MYBL2: variants seen among roughly 807,000 people sequenced by gnomAD.
MYBL2 encodes the protein MYB proto-oncogene like 2.
In MYBL2, 28 loss-of-function variants were observed where a neutral mutation model predicts 79.9. The ratio of observed to expected loss-of-function variants is 0.35; its 90% CI spans 0.26 to 0.48. The LOEUF (loss-of-function observed/expected upper bound fraction) is 0.48. Ranked by LOEUF, MYBL2 falls within the 20% of genes least tolerant of loss-of-function variation. The pLI is 0.99. For missense variants in MYBL2, 735 were observed against 893.9 expected, an observed-to-expected ratio of 0.82 and a Z score of 2.27; for synonymous variants, 378 against 361.2, an observed-to-expected ratio of 1.05 and a Z score of -0.53.
chr20:43,672,424 TTAC>T, intron 1 of MYBL2, among the ~76,000 whole-genome samples: 1 of 39,492 alleles, frequency 2.5e-5, no homozygotes, highest in Admixed American at 2.0e-4. Flanking sequence ...GACCCTGTCA[TTAC>T]AAAAAAAAAA....
chr20:43,713,182 A>C lies in MYBL2; in HGVS notation c.1824+76A>C, dbSNP rs374443215. 139 of 1,143,440 alleles carry C rather than the reference A, an allele frequency of 1.2e-4. No individual in the cohort carries two copies. In the East Asian group the frequency reaches 4.0e-3, roughly 33 times the overall value. The allele number at this position is 1,143,440 out of a possible 1,614,324, so 70.8% of individuals were successfully genotyped here. The stretch of plus-strand genomic sequence containing the variant: ...GTGGAGTTAGTGTAGTGACTCTCCA[A>C]CTGGGCTTCTGGAACCCTGGGCTCT... On this transcript the variant is annotated intron_variant, in intron 12 of 13. Transcript: ENST00000217026.
Position 43,702,894 on chromosome 20 carries a change from G to T in MYBL2, c.1356G>T (p.Ser452=), listed in dbSNP as rs1005184780. Reference sequence around the variant, plus strand: ...CACCTGTTAAGACCCTGCCCTTCTCGCCCTCCCAGGTGCGTGGACCCCACT... The same window carrying T: ...CACCTGTTAAGACCCTGCCCTTCTCTCCCTCCCAGGTGCGTGGACCCCACT... ...KSTPVKTLPF[S]PSQFLNFWNK... is the part of the protein sequence containing the mutation. Residue 452 remains serine, a synonymous_variant, in exon 8 of 14, where the codon TCG becomes TCT. Coordinates refer to ENST00000217026, the MANE Select transcript of MYBL2 (RefSeq NM_002466.4). 9 of 1,589,802 alleles carry T rather than the reference G, an allele frequency of 5.7e-6. No homozygotes were observed. Among genetic ancestry groups the T allele is most frequent in the Non-Finnish European group, 7.7e-6 (9 of 1,161,962 alleles).
At chr20:43,699,196 A>T (rs1168003701) in intron 6 of MYBL2, among the ~76,000 whole-genome samples, 5 of 151,642 alleles carry the variant, frequency 3.3e-5, no homozygotes, top group Non-Finnish European at 1.5e-5. Flanking sequence ...CTGCCACCAC[A>T]CCTGGCTAAT....
intron 6 of MYBL2, among the ~76,000 whole-genome samples, chr20:43,696,095 G>A (rs183406343): frequency 6.6e-6 from 1 of 152,264 alleles, no homozygotes; most frequent in Admixed American, 6.5e-5. Context: ...ATTCGTGTAT[G>A]GGACCACTCC....
intron 6 of MYBL2, among the ~76,000 whole-genome samples, chr20:43,694,248 C>T (rs1336699806): frequency 2.6e-5 from 4 of 151,212 alleles, no homozygotes; most frequent in Admixed American, 6.6e-5. Flanking sequence ...AGGAGAATGG[C>T]GTGAACCCGG....
intron 11 of MYBL2, 130 bp downstream of exon 11, chr20:43,711,731 C>T: frequency 1.4e-6 from 1 of 738,852 alleles, no homozygotes; most frequent in Non-Finnish European, 2.2e-6. Flanking sequence ...CCCCTTTGCC[C>T]CCTTTCGCAC....
intron 6 of MYBL2, among the ~76,000 whole-genome samples, chr20:43,694,270 T>TG (rs1000608333): frequency 1.3e-5 from 2 of 151,984 alleles, no homozygotes; most frequent in Non-Finnish European, 2.9e-5. Flanking sequence ...AGGCAGAGCT[T>TG]GCAGTGAGCC....
chr20:43,698,553 A>G (rs1424698080), intron 6 of MYBL2, among the ~76,000 whole-genome samples: 3 of 138,606 alleles, frequency 2.2e-5, no homozygotes, highest in Non-Finnish European at 3.1e-5. Context: ...AATTTTTTGT[A>G]TTTTTAGTAG....
At chr20:43,708,268 T>C (rs1987833265) in intron 9 of MYBL2, among the ~76,000 whole-genome samples, 1 of 151,932 alleles carries the variant, frequency 6.6e-6, no homozygotes, top group Non-Finnish European at 1.5e-5. Context: ...CTTGGCTAAT[T>C]TTTTTGTTTT....
chr20:43,702,428 G>C, intron 7 of MYBL2, 62 bp from the exon 8 acceptor site: 1 of 1,486,812 alleles, frequency 6.7e-7, no homozygotes, highest in Non-Finnish European at 9.1e-7. Context: ...TTCCCGTAAT[G>C]AATGAGTCCT....
chr20:43,680,156 G>A (rs894085963), intron 2 of MYBL2, among the ~76,000 whole-genome samples: 3 of 152,038 alleles, frequency 2.0e-5, no homozygotes, highest in South Asian at 2.1e-4. Flanking sequence ...GCAGCCTCCC[G>A]AGTAGCTGGG....
Position 43,702,857 on chromosome 20 carries a change from C to T in MYBL2, c.1319C>T (p.Thr440Met), listed in dbSNP as rs765755194. 1.2e-6 allele frequency: 2 copies of T among 1,611,250 alleles called. No homozygotes were observed. Among genetic ancestry groups the T allele is most frequent in the African/African-American group, 1.3e-5 (1 of 75,002 alleles). The part of the protein sequence containing the change: ...LSFLDSCNSL[T>M]PKSTPVKTLP... ...TTCCTGGATTCCTGTAACAGCCTCA[C>T]GCCCAAGAGCACACCTGTTAAGACC... The change falls in exon 8 of 14, where the codon ACG becomes ATG. Residue 440 changes from threonine to methionine, a missense_variant. Thr to Met is a moderately conservative substitution (Grantham distance 81, BLOSUM62 -1). Coordinates refer to ENST00000217026, the MANE Select transcript of MYBL2 (RefSeq NM_002466.4).
At chr20:43,695,986 C>T (rs890048593) in intron 6 of MYBL2, among the ~76,000 whole-genome samples, 1 of 152,020 alleles carries the variant, frequency 6.6e-6, no homozygotes, top group Admixed American at 6.6e-5. Flanking sequence ...CTGCTGCACT[C>T]CAGCCTTGGG....
At chr20:43,710,120 C>A in intron 10 of MYBL2, 58 bp downstream of exon 10, 2 of 1,375,906 alleles carry the variant, frequency 1.5e-6, no homozygotes, top group Non-Finnish European at 2.0e-6. Context: ...TCGGTTCATC[C>A]AACCATGTTC....
chr20:43,685,428 G>T (rs540902778), intron 4 of MYBL2, among the ~76,000 whole-genome samples: 1 of 151,872 alleles, frequency 6.6e-6, no homozygotes, highest in African/African-American at 2.4e-5. Context: ...TGATCCACCT[G>T]CCTCGACCTC....
chr20:43,684,894 C>A (rs1358268492), intron 4 of MYBL2, among the ~76,000 whole-genome samples: 1 of 150,832 alleles, frequency 6.6e-6, no homozygotes, highest in African/African-American at 2.4e-5. Flanking sequence ...CACCTGTAAT[C>A]CCAGCATTTT....
intron 6 of MYBL2, among the ~76,000 whole-genome samples, chr20:43,698,026 C>A (rs1987585466): frequency 6.7e-6 from 1 of 148,372 alleles, no homozygotes; most frequent in South Asian, 2.1e-4. Flanking sequence ...ACAAATTACC[C>A]CTTAATTTGT....
chr20:43,667,858 T>A (rs1021287060), intron 1 of MYBL2, among the ~76,000 whole-genome samples: 1 of 152,114 alleles, frequency 6.6e-6, no homozygotes, highest in Non-Finnish European at 1.5e-5. Flanking sequence ...CTCTTTTGTC[T>A]CTCCCACCTG....
At chr20:43,706,233 C>T (rs1987779896) in intron 9 of MYBL2, among the ~76,000 whole-genome samples, 1 of 152,182 alleles carries the variant, frequency 6.6e-6, no homozygotes, top group South Asian at 2.1e-4. Context: ...TGTGTTTGAG[C>T]AGCCTTATGT....
Sources: allele counts gnomAD v4.1 joint callset (sites outside exome capture counted in the v4.1 genomes callset), GRCh38; gene constraint gnomAD v4.1.1; transcripts MANE v1.5; gene names NCBI Gene and HGNC (gene_info 2026-07-23, HGNC 2026-07-21).